The following IGFBP2 variants were observed in gnomAD, a reference collection of about 807,000 sequenced individuals.
IGFBP2 encodes the protein insulin-like growth factor-binding protein 2.
IGFBP2 carries 12 observed loss-of-function variants against 26.2 expected under a neutral mutation model. That is an observed-to-expected ratio of 0.46 (90% CI 0.29 to 0.74). The LOEUF (loss-of-function observed/expected upper bound fraction) is 0.74, where lower values mean the gene tolerates loss of function less well. Ranked by LOEUF, IGFBP2 falls within the 30% of genes least tolerant of loss-of-function variation. IGFBP2 has a pLI of 0.09. For missense variants in IGFBP2, 328 were observed against 441.2 expected, an observed-to-expected ratio of 0.74 and a Z score of 2.30; for synonymous variants, 189 against 200.6, an observed-to-expected ratio of 0.94 and a Z score of 0.49.
At chr2:216,650,822 C>T (rs1055753754) in intron 1 of IGFBP2, among the ~76,000 whole-genome samples, 4 of 152,188 alleles carry the variant, frequency 2.6e-5, no homozygotes, top group African/African-American at 7.2e-5. Flanking sequence ...AAACCATGCT[C>T]AGAAGTGACT....
At chr2:216,634,731 A>C (rs988713149) in intron 1 of IGFBP2, among the ~76,000 whole-genome samples, 3 of 152,014 alleles carry the variant, frequency 2.0e-5, no homozygotes, top group Non-Finnish European at 4.4e-5. Context: ...CCCAGATCGA[A>C]AGGCAGGAGA....
rs1698018314 is a variant in IGFBP2, at chr2:216,660,548, T to C, written c.443-9T>C. On this transcript the variant is annotated splice_polypyrimidine_tract_variant and intron_variant, in intron 1 of 3. Coordinates refer to ENST00000233809, the MANE Select transcript of IGFBP2 (RefSeq NM_000597.3). ...ACCTGGAGCTTTTCTTCCCTTCCTCTCTTGGCAGACAATGGCGATGACCAC... is the reference window on the plus strand; with the variant it reads ...ACCTGGAGCTTTTCTTCCCTTCCTCCCTTGGCAGACAATGGCGATGACCAC... The C allele has an allele frequency of 6.3e-7, 1 of 1,587,738 alleles. No individual in the cohort carries two copies. Among genetic ancestry groups the C allele is most frequent in the Non-Finnish European group, 8.6e-7 (1 of 1,165,328 alleles).
At position 216,644,451 on chromosome 2, in the gene IGFBP2, A is replaced by G. The variant is rs575093180; in HGVS notation, c.442+10486A>G. 2.6e-4 allele frequency among the ~76,000 whole-genome samples: 40 copies of G among 152,302 alleles called. 1 individual carries two copies. The South Asian group carries it at 8.3e-3, about 32-fold the overall frequency. On this transcript the variant is annotated intron_variant, in intron 1 of 3. Transcript: ENST00000233809. Reference sequence around the variant, plus strand: ...TTCAAGGAACTGAGCTCTCTGAGCCAGGAAGTCAAAGGGAAGAGGGGGACT... The same window carrying G: ...TTCAAGGAACTGAGCTCTCTGAGCCGGGAAGTCAAAGGGAAGAGGGGGACT...
Position 216,659,632 on chromosome 2 carries a change from G to T in IGFBP2, c.443-925G>T. The T allele has an allele frequency of 1.9e-6, 2 of 1,052,788 alleles. 1 individual carries two copies. The highest frequency in any genetic ancestry group is 2.7e-5 in the South Asian group (2 of 74,354). 65.2% of individuals were successfully genotyped at this position (1,052,788 alleles called of 1,614,324 possible). On this transcript the variant is annotated intron_variant, in intron 1 of 3. Coordinates refer to ENST00000233809, the MANE Select transcript of IGFBP2 (RefSeq NM_000597.3). The stretch of plus-strand genomic sequence containing the variant: ...AGCCAGAGTGAGACTGTGGCAGGCT[G>T]GAGCTGTTTTCAAGGCCTCCTTCAC...
chr2:216,663,729 T>C, intron 3 of IGFBP2: 1 of 509,792 alleles, frequency 2.0e-6, no homozygotes. Context: ...TGGAGCTCGC[T>C]AGCGATGCAG....
intron 1 of IGFBP2, among the ~76,000 whole-genome samples, chr2:216,644,412 G>T (rs553808403): frequency 1.3e-5 from 2 of 152,190 alleles, no homozygotes; most frequent in African/African-American, 2.4e-5. Context: ...TGAAGGTGTG[G>T]CAGCCTGTGT....
intron 1 of IGFBP2, among the ~76,000 whole-genome samples, chr2:216,634,906 T>TTTTTTTTTTTTTTTTTTTTTTTTTTTA (rs371560018): frequency 2.3e-5 from 3 of 128,518 alleles, no homozygotes; most frequent in African/African-American, 8.5e-5. Context: ...TTTTTTTTTT[T>TTTTTTTTTTTTTTTTTTTTTTTTTTTA]AATTACGAAA....
At chr2:216,636,478 G>A (rs922815017) in intron 1 of IGFBP2, among the ~76,000 whole-genome samples, 1 of 152,192 alleles carries the variant, frequency 6.6e-6, no homozygotes, top group Middle Eastern at 3.4e-3. Context: ...CACATCAGTG[G>A]GTGGAAGGAG....
At chr2:216,634,024 CG>C (rs1697441960) in intron 1 of IGFBP2, 59 bp downstream of exon 1, 32 of 1,517,798 alleles carry the variant, frequency 2.1e-5, no homozygotes, top group Non-Finnish European at 2.8e-5. Flanking sequence ...AGAAGCCCGA[CG>C]GGCGGCTGGA....
rs1386745520 is a variant in IGFBP2 at position 216,664,312 on chromosome 2, T to TC, written c.*212dup. The TC allele has an allele frequency of 1.2e-5, 5 of 420,544 alleles. No individual in the cohort carries two copies. The highest frequency in any genetic ancestry group is 1.7e-5 in the Non-Finnish European group (4 of 239,092). The allele number at this position is 420,544 out of a possible 1,614,324, so 26.1% of individuals were successfully genotyped here. A position where few individuals can be genotyped will look rare whatever the true frequency, so the allele number is the denominator to read the frequency against. ...ATGCCACACCTGCTCCTTCTTGCTT[T>TC]CCCCGGGGGAGGAAGGGGGTTGTGG... On this transcript the variant is annotated 3_prime_UTR_variant, in exon 4 of 4. Transcript: ENST00000233809. This position sits in a 1 kb window ranked among gnomAD's most constrained non-coding sequence, Gnocchi z 4.6.
chr2:216,658,526 T>TTTTATTTATTTA (rs143672936), intron 1 of IGFBP2, among the ~76,000 whole-genome samples: 3 of 146,386 alleles, frequency 2.0e-5, no homozygotes, highest in East Asian at 4.0e-4. Flanking sequence ...CCAGGTCGTC[T>TTTTATTTATTTA]TTTATTTATT....
chr2:216,650,139 G>C (rs1453327887), intron 1 of IGFBP2, among the ~76,000 whole-genome samples: 2 of 152,206 alleles, frequency 1.3e-5, no homozygotes, highest in Admixed American at 1.3e-4. Flanking sequence ...GAGAGGAGAG[G>C]TATCATTCAA....
chr2:216,634,560 G>T (rs1697454834), intron 1 of IGFBP2, among the ~76,000 whole-genome samples: 1 of 152,210 alleles, frequency 6.6e-6, no homozygotes, highest in African/African-American at 2.4e-5. Context: ...TCTCCATAGG[G>T]AACGAGCAGG....
chr2:216,634,809 G>A (rs1697460857), intron 1 of IGFBP2, among the ~76,000 whole-genome samples: 1 of 132,168 alleles, frequency 7.6e-6, no homozygotes, highest in Non-Finnish European at 1.5e-5. Context: ...AGGATAGAAT[G>A]AGGACCCGAT....
Sources: allele counts gnomAD v4.1 joint callset (sites outside exome capture counted in the v4.1 genomes callset), GRCh38; gene constraint gnomAD v4.1.1; non-coding constraint Gnocchi (gnomAD v3.1); transcripts MANE v1.5; gene names NCBI Gene and HGNC (gene_info 2026-07-23, HGNC 2026-07-21).